The following STOX2 variants were observed in gnomAD, a reference collection of about 807,000 sequenced individuals.
The protein encoded by STOX2 is storkhead box 2, also known as storkhead-box protein 2.
STOX2 carries 28 observed loss-of-function variants against 60.9 expected under a neutral mutation model. The ratio of observed to expected loss-of-function variants is 0.46; its 90% CI spans 0.34 to 0.63. The LOEUF is 0.63. Among genes scored for constraint, STOX2 ranks in the 30% least tolerant of loss-of-function variants. The pLI, the probability that STOX2 is intolerant of heterozygous loss-of-function variation, is 0.01. For missense variants in STOX2, 1,024 were observed against 1,187.7 expected (o/e 0.86, Z 2.03); for synonymous variants, 472 against 463.9 (o/e 1.02, Z -0.22).
At chr4:183,814,903 A>C (rs1739115902) in intron 1 of STOX2, among the ~76,000 whole-genome samples, 1 of 152,234 alleles carries the variant, frequency 6.6e-6, no homozygotes, top group Non-Finnish European at 1.5e-5. Context: ...CTTTAGCGAT[A>C]AATGATGTTA....
At position 183,943,192 on chromosome 4, in the gene STOX2, C is replaced by T. The variant is rs114734085; in HGVS notation, c.166+36236C>T. Among the ~76,000 whole-genome samples the T allele has an allele frequency of 6.9e-3, 1,052 of 152,174 alleles. 11 individuals are homozygous for T. Among genetic ancestry groups the T allele is most frequent in the African/African-American group, 0.024 (1,013 of 41,518 alleles). On this transcript the variant is annotated intron_variant, in intron 1 of 3. Coordinates refer to ENST00000308497, the MANE Select transcript of STOX2 (RefSeq NM_020225.3). ...GGATAGGATATTATGGGACAGTGACCGTGTGTTTGCAACTTGGCAATCCAG... is the reference window on the plus strand; with the variant it reads ...GGATAGGATATTATGGGACAGTGACTGTGTGTTTGCAACTTGGCAATCCAG...
rs1734628005 is a variant in STOX2 at position 184,022,501 on chromosome 4, G to A, written c.*5217G>A. ...ATTGTACATGATCAGTTATAGGGCT[G>A]TAATCATTAATTGTTGGCTTCAAAT... On this transcript the variant is annotated 3_prime_UTR_variant, in exon 4 of 4. Transcript: ENST00000308497. 1 of 152,130 alleles carries A rather than the reference G, an allele frequency of 6.6e-6. No homozygotes were observed. Among genetic ancestry groups the A allele is most frequent in the Non-Finnish European group, 1.5e-5 (1 of 68,032 alleles). The allele number at this position is 152,130 out of a possible 1,614,324, so 9.4% of individuals were successfully genotyped here. A position where few individuals can be genotyped will look rare whatever the true frequency, so the allele number is the denominator to read the frequency against.
rs1734181254 is a variant in STOX2, at chr4:184,011,703, T to A, written c.2585+280T>A. 1 of 1,238,110 alleles carries A rather than the reference T, an allele frequency of 8.1e-7. No individual in the cohort carries two copies. The allele number at this position is 1,238,110 out of a possible 1,614,324, so 76.7% of individuals were successfully genotyped here. A position where few individuals can be genotyped will look rare whatever the true frequency, so the allele number is the denominator to read the frequency against. ...ACTAAAACCAATATTTCCAGTATTT[T>A]TTCTGCTACGTTCATATTGCCACCC... On this transcript the variant is annotated intron_variant, in intron 3 of 3. Transcript: ENST00000308497. The surrounding 1 kb of genome is among the most constrained non-coding windows in gnomAD (Gnocchi z 4.4).
chr4:183,863,946 C>A (rs940685887), intron 1 of STOX2, among the ~76,000 whole-genome samples: 2 of 152,188 alleles, frequency 1.3e-5, no homozygotes, highest in African/African-American at 4.8e-5. Context: ...TAATTCGAAA[C>A]AGAATGTTCA....
At chr4:183,841,179 G>GTATCTATGTATT (rs146024028) in intron 1 of STOX2, among the ~76,000 whole-genome samples, 2 of 147,920 alleles carry the variant, frequency 1.4e-5, no homozygotes, top group Non-Finnish European at 3.0e-5. Context: ...TTTCATCGTA[G>GTATCTATGTATT]TATTTATTTA....
chr4:183,851,038 GGATGAGAGAAAC>G (rs1740113643), intron 1 of STOX2, among the ~76,000 whole-genome samples: 1 of 140,814 alleles, frequency 7.1e-6, no homozygotes, highest in African/African-American at 2.7e-5. Context: ...ATGAGGGAAA[GGATGAGAGAAAC>G]GATGAGAGAA....
chr4:184,003,161 A>G (rs1560934122), intron 2 of STOX2, among the ~76,000 whole-genome samples: 1 of 152,246 alleles, frequency 6.6e-6, no homozygotes. Context: ...TTTCTGTCCT[A>G]TGAGTGCGTA....
chr4:183,859,897 G>A (rs1740390848), intron 1 of STOX2, among the ~76,000 whole-genome samples: 1 of 142,476 alleles, frequency 7.0e-6, no homozygotes, highest in Non-Finnish European at 1.6e-5. Context: ...ATTTGTTCAT[G>A]TCAGTTGCGT....
intron 1 of STOX2, among the ~76,000 whole-genome samples, chr4:183,899,578 C>T (rs1474072181): frequency 6.6e-6 from 1 of 152,152 alleles, no homozygotes; most frequent in South Asian, 2.1e-4. Context: ...TTAGCCAAAG[C>T]CTAATCCAGA....
At chr4:184,007,827 C>T (rs7655396) in intron 2 of STOX2, among the ~76,000 whole-genome samples, 124,333 of 152,140 alleles carry the variant, frequency 0.82, 52,628 homozygotes, top group Non-Finnish European at 0.92. Flanking sequence ...TTCCCCTTTT[C>T]AGAAGGACAT....
At chr4:183,839,024 C>T (rs999497973) in intron 1 of STOX2, among the ~76,000 whole-genome samples, 4 of 149,806 alleles carry the variant, frequency 2.7e-5, no homozygotes, top group Non-Finnish European at 5.9e-5. Context: ...CGCGCGCGCG[C>T]ACACACACAC....
chr4:183,839,400 G>C (rs573773193), intron 1 of STOX2, among the ~76,000 whole-genome samples: 1 of 152,206 alleles, frequency 6.6e-6, no homozygotes, highest in African/African-American at 2.4e-5. Flanking sequence ...TGACTTTAAC[G>C]TTCTCCTGCA....
intron 2 of STOX2, among the ~76,000 whole-genome samples, chr4:184,005,122 A>G (rs1418154222): frequency 1.3e-5 from 2 of 152,248 alleles, no homozygotes; most frequent in East Asian, 1.9e-4. Flanking sequence ...GAACAGGTCC[A>G]TGTGCTCACT....
chr4:183,799,981 C>T (rs987507548), intron 1 of STOX2, among the ~76,000 whole-genome samples: 1 of 152,042 alleles, frequency 6.6e-6, no homozygotes, highest in Non-Finnish European at 1.5e-5. Context: ...AGAGGGACTC[C>T]CTCTTAAAGC....
Position 184,011,759 on chromosome 4 carries a change from T to A in STOX2, c.2585+336T>A. On this transcript the variant is annotated intron_variant, in intron 3 of 3. Transcript: ENST00000308497. The surrounding 1 kb of genome is among the most constrained non-coding windows in gnomAD (Gnocchi z 4.4). The stretch of plus-strand genomic sequence containing the variant: ...AAGAGAAGGATGTTTTTTAAGTCCT[T>A]CAAAAATAGTAACTTTTTGAGTAGA... 1.6e-6 allele frequency: 1 copy of A among 625,368 alleles called. No homozygotes were observed. Among genetic ancestry groups the A allele is most frequent in the Non-Finnish European group, 2.3e-6 (1 of 425,924 alleles). 38.7% of individuals were successfully genotyped at this position (625,368 alleles called of 1,614,324 possible). A position where few individuals can be genotyped will look rare whatever the true frequency, so the allele number is the denominator to read the frequency against.
chr4:183,965,622 A>G (rs1200830815), intron 1 of STOX2, among the ~76,000 whole-genome samples: 1 of 152,170 alleles, frequency 6.6e-6, no homozygotes. Flanking sequence ...TGATATCAAC[A>G]TATTGAGATC....
In STOX2 at chr4:184,021,245, T is replaced by C. The variant is rs916085322; in HGVS notation, c.*3961T>C. On this transcript the variant is annotated 3_prime_UTR_variant, in exon 4 of 4. Coordinates refer to ENST00000308497, the MANE Select transcript of STOX2 (RefSeq NM_020225.3). ...CAATTCACAAGACAGGTCATCTTTGTAATACGCATACTTACAACGAATTAA... is the reference window on the plus strand; with the variant it reads ...CAATTCACAAGACAGGTCATCTTTGCAATACGCATACTTACAACGAATTAA... The C allele has an allele frequency of 2.6e-5, 4 of 152,204 alleles. No individual in the cohort carries two copies. The highest frequency in any genetic ancestry group is 9.7e-5 in the African/African-American group (4 of 41,446). The allele number at this position is 152,204 out of a possible 1,614,324, so 9.4% of individuals were successfully genotyped here.
intron 1 of STOX2, among the ~76,000 whole-genome samples, chr4:183,922,778 C>G (rs1742139641): frequency 6.6e-6 from 1 of 152,158 alleles, no homozygotes; most frequent in East Asian, 1.9e-4. Context: ...GCACCTATTA[C>G]ACACTAACTC....
intron 1 of STOX2, among the ~76,000 whole-genome samples, chr4:183,814,929 T>G (rs909156583): frequency 6.6e-6 from 1 of 152,228 alleles, no homozygotes; most frequent in African/African-American, 2.4e-5. Context: ...AGTATAAAGA[T>G]TTAGTAAAAA....
Sources: gnomAD v4.1 joint callset for allele counts (sites outside exome capture counted in the v4.1 genomes callset) on GRCh38, gnomAD v4.1.1 for gene constraint, Gnocchi (gnomAD v3.1) non-coding constraint, MANE v1.5 for transcripts, NCBI Gene and HGNC (gene_info 2026-07-23, HGNC 2026-07-21) for gene names.